Variants in CDK19 observed in about 807,000 individuals in gnomAD.
The protein encoded by CDK19 is cyclin-dependent kinase 19.
A neutral mutation model predicts 68.3 loss-of-function variants in CDK19; 20 were observed. The observed-to-expected ratio is 0.29, with a 90% CI of 0.21 to 0.43. The LOEUF (loss-of-function observed/expected upper bound fraction) is 0.43. Among genes scored for constraint, CDK19 ranks in the 20% least tolerant of loss-of-function variants. CDK19 has a pLI of 1.00. For missense variants in CDK19, 339 were observed against 623.5 expected (o/e 0.54, Z 4.86); for synonymous variants, 221 against 222.8 (o/e 0.99, Z 0.07).
rs935931717 is a variant in CDK19 at position 110,774,948 on chromosome 6, C to T, written c.129-28747G>A. ...TGGGCGACAGAGCAAGACCCTATTTCAAAAGAAATACAAAATAGGCTGGGT... is the reference window on the plus strand; with the variant it reads ...TGGGCGACAGAGCAAGACCCTATTTTAAAAGAAATACAAAATAGGCTGGGT... On this transcript the variant is annotated intron_variant, in intron 1 of 12. Transcript: ENST00000368911. Among the ~76,000 whole-genome samples, 3 of 149,894 alleles carry T rather than the reference C, an allele frequency of 2.0e-5. No individual in the cohort carries two copies. The East Asian group carries it at 6.0e-4, about 30-fold the overall frequency.
chr6:110,651,599 G>T (rs1041638042), intron 4 of CDK19, among the ~76,000 whole-genome samples: 1 of 152,042 alleles, frequency 6.6e-6, no homozygotes, highest in Admixed American at 6.6e-5. Flanking sequence ...CCTGGATTTG[G>T]TTTACTAGTA....
chr6:110,747,379 T>C (rs1778152056), intron 1 of CDK19, among the ~76,000 whole-genome samples: 1 of 152,148 alleles, frequency 6.6e-6, no homozygotes, highest in Non-Finnish European at 1.5e-5. Flanking sequence ...ACAGATAGCA[T>C]TCAGGAAATA....
chr6:110,694,999 C>T (rs953114098), intron 2 of CDK19, among the ~76,000 whole-genome samples: 4 of 152,154 alleles, frequency 2.6e-5, no homozygotes, highest in African/African-American at 9.7e-5. Flanking sequence ...TGCCTGTAAT[C>T]TTAGCTACTC....
At chr6:110,788,402 C>T (rs1334069351) in intron 1 of CDK19, among the ~76,000 whole-genome samples, 3 of 152,092 alleles carry the variant, frequency 2.0e-5, no homozygotes, top group Non-Finnish European at 4.4e-5. Flanking sequence ...AAGAGATCCT[C>T]CTGCCTCAGG....
At chr6:110,637,343 G>A (rs187546050) in intron 5 of CDK19, among the ~76,000 whole-genome samples, 1 of 152,128 alleles carries the variant, frequency 6.6e-6, no homozygotes, top group African/African-American at 2.4e-5. Flanking sequence ...AGTGGGGGAG[G>A]GAAGAGAAGG....
At chr6:110,773,064 AAAAG>A (rs923968466) in intron 1 of CDK19, among the ~76,000 whole-genome samples, 1 of 151,858 alleles carries the variant, frequency 6.6e-6, no homozygotes, top group Non-Finnish European at 1.5e-5. Context: ...AAAAAAAAAA[AAAAG>A]GTCTCTATAA....
intron 1 of CDK19, among the ~76,000 whole-genome samples, chr6:110,789,737 T>C (rs1225562880): frequency 6.6e-6 from 1 of 152,240 alleles, no homozygotes. Context: ...AATAGATTTG[T>C]GTCTATTTTA....
chr6:110,737,026 T>C (rs1777297964), intron 2 of CDK19, among the ~76,000 whole-genome samples: 1 of 152,218 alleles, frequency 6.6e-6, no homozygotes. Context: ...TAGGGAGGGA[T>C]ACTGACACAG....
intron 1 of CDK19, among the ~76,000 whole-genome samples, chr6:110,765,864 T>A (rs1402452401): frequency 1.3e-5 from 2 of 152,074 alleles, no homozygotes. Context: ...TCAACATCAC[T>A]CATTATCAGA....
intron 2 of CDK19, among the ~76,000 whole-genome samples, chr6:110,704,282 A>G (rs1323227232): frequency 6.6e-6 from 1 of 152,268 alleles, no homozygotes; most frequent in Non-Finnish European, 1.5e-5. Context: ...CACAGCAACC[A>G]AACCATGTAC....
rs1429727567 is a variant in CDK19 at position 110,796,024 on chromosome 6, C to A, written c.128+18985G>T. Among the ~76,000 whole-genome samples the A allele has an allele frequency of 2.0e-5, 3 of 152,070 alleles. No homozygotes were observed. The East Asian group carries it at 5.8e-4, about 29-fold the overall frequency. ...AATTTAGTAACTACTTATGTCCAAACAACACATAATTATTCAAAAATAAAA... is the reference window on the plus strand; with the variant it reads ...AATTTAGTAACTACTTATGTCCAAAAAACACATAATTATTCAAAAATAAAA... On this transcript the variant is annotated intron_variant, in intron 1 of 12. Transcript: ENST00000368911.
chr6:110,687,591 TGA>T, intron 2 of CDK19, among the ~76,000 whole-genome samples: 1 of 152,340 alleles, frequency 6.6e-6, no homozygotes, highest in South Asian at 2.1e-4. Flanking sequence ...GTACGTGTTA[TGA>T]GAAAACACAG....
At chr6:110,801,084 A>G (rs1026998948) in intron 1 of CDK19, among the ~76,000 whole-genome samples, 9 of 152,174 alleles carry the variant, frequency 5.9e-5, no homozygotes, top group African/African-American at 2.2e-4. Context: ...AGACCCGATA[A>G]ACGACTTCAG....
Position 110,614,625 on chromosome 6 carries a change from T to C in CDK19, c.1419A>G (p.Gly473=). 1 of 1,613,930 alleles carries C rather than the reference T, an allele frequency of 6.2e-7. No homozygotes were observed. Among genetic ancestry groups the C allele is most frequent in the Non-Finnish European group, 8.5e-7 (1 of 1,179,880 alleles). ...CAAGTGTGCTCTGGGACTGAGAGGA[T>C]CCCTGAACGCTGCTTTGGTAATTCA... ...SRLNYQSSVQ[G]SSQSQSTLGY... Residue 473 remains glycine (G), a synonymous_variant, in exon 13 of 13, where the codon GGA becomes GGG. Coordinates refer to ENST00000368911, the MANE Select transcript of CDK19 (RefSeq NM_015076.5).
intron 4 of CDK19, among the ~76,000 whole-genome samples, chr6:110,651,385 C>T (rs1780963267): frequency 6.6e-6 from 1 of 152,042 alleles, no homozygotes; most frequent in African/African-American, 2.4e-5. Flanking sequence ...CTAATGTTTG[C>T]TTTTGTCTAT....
At chr6:110,804,340 T>C (rs1782529657) in intron 1 of CDK19, among the ~76,000 whole-genome samples, 1 of 151,840 alleles carries the variant, frequency 6.6e-6, no homozygotes, top group Admixed American at 6.6e-5. Flanking sequence ...AGTTAAAGAT[T>C]CTTTTTTCTT....
At chr6:110,678,430 C>A (rs1223407163) in intron 2 of CDK19, among the ~76,000 whole-genome samples, 1 of 152,164 alleles carries the variant, frequency 6.6e-6, no homozygotes, top group Non-Finnish European at 1.5e-5. Flanking sequence ...TACCTCTATT[C>A]CCACTGCTCT....
At chr6:110,755,041 C>CTTTT (rs34041330) in intron 1 of CDK19, among the ~76,000 whole-genome samples, 2 of 131,756 alleles carry the variant, frequency 1.5e-5, no homozygotes, top group Non-Finnish European at 3.3e-5. Flanking sequence ...CTTGTGAATC[C>CTTTT]TTTTTTTTTT....
intron 1 of CDK19, among the ~76,000 whole-genome samples, chr6:110,757,693 T>C (rs1778926679): frequency 6.6e-6 from 1 of 152,192 alleles, no homozygotes; most frequent in Admixed American, 6.5e-5. Flanking sequence ...CAAATTAATT[T>C]CAGGTTGTTC....
Sources: allele counts gnomAD v4.1 joint callset (sites outside exome capture counted in the v4.1 genomes callset), GRCh38; gene constraint gnomAD v4.1.1; transcripts MANE v1.5; gene names NCBI Gene and HGNC (gene_info 2026-07-23, HGNC 2026-07-21).